Variants in ARHGEF3 observed in about 807,000 individuals in gnomAD.
The protein encoded by ARHGEF3 is Rho guanine nucleotide exchange factor 3, also known as 59.8 kDA protein.
ARHGEF3 carries 28 observed loss-of-function variants against 63.2 expected under a neutral mutation model. The ratio of observed to expected loss-of-function variants is 0.44; its 90% CI spans 0.33 to 0.61. The LOEUF is 0.61. ARHGEF3 is among the 20% of genes least tolerant of loss of function. ARHGEF3 has a pLI of 0.03. For missense variants in ARHGEF3, 533 were observed against 659.3 expected, an observed-to-expected ratio of 0.81 and a Z score of 2.10; for synonymous variants, 266 against 254.2, an observed-to-expected ratio of 1.05 and a Z score of -0.44.
At chr3:56,861,181 G>A (rs1181626748) in intron 4 of ARHGEF3, among the ~76,000 whole-genome samples, 1 of 152,192 alleles carries the variant, frequency 6.6e-6, no homozygotes, top group Non-Finnish European at 1.5e-5. Context: ...GCAGTATGAA[G>A]CGCCTGTCAC....
intron 2 of ARHGEF3, among the ~76,000 whole-genome samples, chr3:57,009,343 C>T (rs1395653625): frequency 3.3e-5 from 5 of 152,228 alleles, no homozygotes; most frequent in African/African-American, 9.7e-5. Context: ...GCAATTCTGA[C>T]ACTGCTCATG....
intron 4 of ARHGEF3, among the ~76,000 whole-genome samples, chr3:56,835,261 T>C (rs1252170210): frequency 1.3e-5 from 2 of 151,368 alleles, no homozygotes; most frequent in African/African-American, 4.9e-5. Context: ...CTGCAACCTC[T>C]GTCTCCTGGG....
intron 3 of ARHGEF3, among the ~76,000 whole-genome samples, chr3:56,913,838 G>T (rs997244554): frequency 6.6e-6 from 1 of 152,198 alleles, no homozygotes; most frequent in African/African-American, 2.4e-5. Flanking sequence ...ACTTGCACAT[G>T]CATGTTTATA....
intron 2 of ARHGEF3, among the ~76,000 whole-genome samples, chr3:56,755,430 T>C (rs1018480876): frequency 6.6e-6 from 1 of 152,224 alleles, no homozygotes; most frequent in African/African-American, 2.4e-5. Flanking sequence ...AACTCACGCA[T>C]GAAGGCAGTT....
chr3:56,996,890 A>ATTAT (rs1553801009), intron 2 of ARHGEF3, among the ~76,000 whole-genome samples: 1,986 of 136,466 alleles, frequency 0.015, 41 homozygotes, highest in African/African-American at 0.046. Flanking sequence ...TATTATTATT[A>ATTAT]TTTTTTTTTT....
rs539586037 is a variant in ARHGEF3, at chr3:57,027,949, C to G, written c.62+7139G>C. 1.8e-4 allele frequency among the ~76,000 whole-genome samples: 28 copies of G among 152,240 alleles called. No individual in the cohort carries two copies. In the East Asian group the frequency reaches 5.0e-3, roughly 27 times the overall value. On this transcript the variant is annotated intron_variant, in intron 2 of 12. Transcript: ENST00000338458. ...TACTTTAGAACCCTTTTTCCCTCAT[C>G]ATCACTGGCCATCAGAGAAATGCAA... is the stretch of plus-strand genomic sequence containing the variant.
At chr3:56,753,436 T>G (rs985944673) in intron 4 of ARHGEF3, 68 bp downstream of exon 4, 2 of 1,368,622 alleles carry the variant, frequency 1.5e-6, no homozygotes, top group South Asian at 2.4e-5. Context: ...AGCACCACTT[T>G]AGGGTTGTGA....
At chr3:56,892,527 C>G (rs1306550633) in intron 3 of ARHGEF3, among the ~76,000 whole-genome samples, 2 of 152,138 alleles carry the variant, frequency 1.3e-5, no homozygotes, top group Non-Finnish European at 2.9e-5. Flanking sequence ...ATAACAAAAT[C>G]CTACTTATTA....
intron 2 of ARHGEF3, among the ~76,000 whole-genome samples, chr3:56,971,416 G>T (rs1044968667): frequency 5.3e-5 from 8 of 152,034 alleles, no homozygotes; most frequent in Admixed American, 2.6e-4. Flanking sequence ...GAACAAAAAG[G>T]CCCTCAAATG....
chr3:57,016,461 T>C (rs370082295), intron 2 of ARHGEF3, among the ~76,000 whole-genome samples: 1 of 151,536 alleles, frequency 6.6e-6, no homozygotes, highest in Non-Finnish European at 1.5e-5. Flanking sequence ...AGGCAGAGAA[T>C]TGCTTAAACC....
intron 4 of ARHGEF3, among the ~76,000 whole-genome samples, chr3:56,862,550 G>A (rs775078005): frequency 6.6e-6 from 1 of 152,066 alleles, no homozygotes; most frequent in South Asian, 2.1e-4. Flanking sequence ...GCCCCCCTCC[G>A]CCTGGGAACC....
intron 3 of ARHGEF3, chr3:56,882,426 A>T (rs1171154356): frequency 7.5e-7 from 1 of 1,333,232 alleles, no homozygotes; most frequent in African/African-American, 1.5e-5. Context: ...CAAGAAAAAA[A>T]GCAATCAAAT....
At chr3:57,026,379 T>A (rs1194379437) in intron 2 of ARHGEF3, among the ~76,000 whole-genome samples, 1 of 152,282 alleles carries the variant, frequency 6.6e-6, no homozygotes. Context: ...CCAGCCTGGA[T>A]GACAGAGCGA....
chr3:56,980,498 G>A (rs918484245), intron 2 of ARHGEF3, among the ~76,000 whole-genome samples: 4 of 152,120 alleles, frequency 2.6e-5, no homozygotes, highest in Non-Finnish European at 5.9e-5. Flanking sequence ...ATTGTGGGTC[G>A]GGACCATATA....
At chr3:56,989,672 C>A (rs1223282751) in intron 2 of ARHGEF3, among the ~76,000 whole-genome samples, 1 of 151,982 alleles carries the variant, frequency 6.6e-6, no homozygotes, top group African/African-American at 2.4e-5. Context: ...AGGCTGCTGC[C>A]TCCCCACAGC....
At chr3:56,865,191 G>C (rs1439142971) in intron 4 of ARHGEF3, among the ~76,000 whole-genome samples, 1 of 152,168 alleles carries the variant, frequency 6.6e-6, no homozygotes, top group Non-Finnish European at 1.5e-5. Context: ...TAATTTAAAT[G>C]AAGTCGCAGC....
intron 2 of ARHGEF3, among the ~76,000 whole-genome samples, chr3:56,773,090 G>A (rs938832762): frequency 6.6e-6 from 1 of 152,056 alleles, no homozygotes; most frequent in Admixed American, 6.6e-5. Flanking sequence ...GGGCAATATG[G>A]TCTCTGTCAC....
intron 4 of ARHGEF3, chr3:56,882,205 T>A: frequency 7.5e-7 from 1 of 1,333,358 alleles, no homozygotes; most frequent in South Asian, 1.4e-5. Context: ...GAAGCCCACT[T>A]CAAGCACACA....
chr3:57,071,773 T>C (rs1705921184), intron 1 of ARHGEF3, among the ~76,000 whole-genome samples: 1 of 151,900 alleles, frequency 6.6e-6, no homozygotes, highest in South Asian at 2.1e-4. Context: ...ATAGATAAAT[T>C]GAACTTCACC....
Sources: gnomAD v4.1 joint callset for allele counts (sites outside exome capture counted in the v4.1 genomes callset) on GRCh38, gnomAD v4.1.1 for gene constraint, MANE v1.5 for transcripts, NCBI Gene and HGNC (gene_info 2026-07-23, HGNC 2026-07-21) for gene names.